The following SOX5 variants were observed in gnomAD, a reference collection of about 807,000 sequenced individuals.
SOX5 encodes SRY-box transcription factor 5.
Under a neutral mutation model 92.0 loss-of-function variants are expected in SOX5, and 9 were observed. The ratio of observed to expected loss-of-function variants is 0.10; its 90% confidence interval spans 0.06 to 0.17. The LOEUF (loss-of-function observed/expected upper bound fraction) is 0.17. Ranked by LOEUF, SOX5 falls within the 10% of genes least tolerant of loss-of-function variation. SOX5 has a pLI of 1.00. For missense variants in SOX5, 642 were observed against 944.5 expected (o/e 0.68, Z 4.20); for synonymous variants, 344 against 336.3 (o/e 1.02, Z -0.25).
At chr12:24,411,548 C>T (rs1323407160) in intron 1 of SOX5, among the ~76,000 whole-genome samples, 1 of 152,046 alleles carries the variant, frequency 6.6e-6, no homozygotes, top group Non-Finnish European at 1.5e-5. Flanking sequence ...GCACTTTTTG[C>T]AGGAATTTAT....
intron 3 of SOX5, among the ~76,000 whole-genome samples, chr12:23,803,895 T>C (rs551116150): frequency 1.8e-4 from 27 of 152,330 alleles, no homozygotes; most frequent in Admixed American, 5.2e-4. Flanking sequence ...TGACACAGCA[T>C]GAATAGAATC....
intron 3 of SOX5, among the ~76,000 whole-genome samples, chr12:23,792,662 A>AAAAAAAAAAC (rs2095497207): frequency 8.1e-6 from 1 of 123,880 alleles, no homozygotes; most frequent in Non-Finnish European, 1.7e-5. Flanking sequence ...AAAAAAAAAA[A>AAAAAAAAAAC]CTTGGACAAA....
chr12:23,723,179 G>C (rs1239913312), intron 6 of SOX5, among the ~76,000 whole-genome samples: 3 of 150,730 alleles, frequency 2.0e-5, no homozygotes, highest in African/African-American at 7.5e-5. Flanking sequence ...CTTTGGGCTT[G>C]TTTATGTTTT....
chr12:24,383,746 T>C (rs1269996811), intron 1 of SOX5, among the ~76,000 whole-genome samples: 1 of 152,122 alleles, frequency 6.6e-6, no homozygotes, highest in African/African-American at 2.4e-5. Flanking sequence ...AGAAGACAAT[T>C]TTTCCAAGGA....
At chr12:23,724,818 C>T (rs999383445) in intron 6 of SOX5, among the ~76,000 whole-genome samples, 1 of 152,166 alleles carries the variant, frequency 6.6e-6, no homozygotes, top group Non-Finnish European at 1.5e-5. Flanking sequence ...TGGTAGAACA[C>T]TCAGCACGTT....
intron 2 of SOX5, among the ~76,000 whole-genome samples, chr12:23,892,355 A>G (rs888843420): frequency 7.2e-5 from 11 of 152,184 alleles, no homozygotes; most frequent in Non-Finnish European, 1.6e-4. Context: ...ATGCTCATGA[A>G]CATGTGTGAA....
intron 4 of SOX5, among the ~76,000 whole-genome samples, chr12:23,962,764 G>A (rs370459693): frequency 6.6e-6 from 1 of 152,036 alleles, no homozygotes; most frequent in African/African-American, 2.4e-5. Flanking sequence ...TAGTATGAAC[G>A]ATTTGAGTCT....
chr12:24,339,072 C>T (rs1952254201), intron 2 of SOX5, among the ~76,000 whole-genome samples: 1 of 151,998 alleles, frequency 6.6e-6, no homozygotes, highest in South Asian at 2.1e-4. Flanking sequence ...CAGCTTCCCT[C>T]TTTTGGAGCT....
intron 1 of SOX5, among the ~76,000 whole-genome samples, chr12:23,906,441 A>G (rs2097294124): frequency 6.6e-6 from 1 of 152,222 alleles, no homozygotes; most frequent in Non-Finnish European, 1.5e-5. Context: ...TTGTGACTGC[A>G]CTAGACTTTT....
At chr12:23,569,473 G>C (rs1016809524) in intron 10 of SOX5, among the ~76,000 whole-genome samples, 1 of 152,134 alleles carries the variant, frequency 6.6e-6, no homozygotes, top group African/African-American at 2.4e-5. Context: ...GCTTTTACTG[G>C]AACTTTTGAA....
chr12:24,035,575 G>T (rs1343880706), intron 4 of SOX5, among the ~76,000 whole-genome samples: 1 of 151,946 alleles, frequency 6.6e-6, no homozygotes, highest in African/African-American at 2.4e-5. Context: ...AAAATGAAAT[G>T]ATATAACATC....
intron 4 of SOX5, among the ~76,000 whole-genome samples, chr12:24,083,554 CGTT>C (rs1943618581): frequency 1.3e-5 from 2 of 152,000 alleles, no homozygotes; most frequent in African/African-American, 4.8e-5. Context: ...ATAGGTATAA[CGTT>C]TTTTTCTCAG....
intron 4 of SOX5, among the ~76,000 whole-genome samples, chr12:24,146,983 G>GTAA (rs890790777): frequency 6.6e-6 from 1 of 152,040 alleles, no homozygotes; most frequent in African/African-American, 2.4e-5. Context: ...TGGGATGATA[G>GTAA]TAAAAAACCT....
chr12:23,871,258 G>A (rs1222430329), intron 2 of SOX5, among the ~76,000 whole-genome samples: 1 of 152,084 alleles, frequency 6.6e-6, no homozygotes, highest in Non-Finnish European at 1.5e-5. Flanking sequence ...ACCTATATGT[G>A]TAATTGCTAC....
At chr12:23,931,908 A>T (rs2059667500) in intron 1 of SOX5, among the ~76,000 whole-genome samples, 1 of 151,638 alleles carries the variant, frequency 6.6e-6, no homozygotes. Flanking sequence ...GGCTATCTTC[A>T]GAGTAGACAT....
At chr12:24,541,608 G>T (rs1356736940) in intron 1 of SOX5, among the ~76,000 whole-genome samples, 1 of 152,150 alleles carries the variant, frequency 6.6e-6, no homozygotes, top group Non-Finnish European at 1.5e-5. Context: ...TAGAAGTAAA[G>T]AAGGATGTTT....
At chr12:24,370,566 T>C (rs1404707333) in intron 1 of SOX5, among the ~76,000 whole-genome samples, 1 of 144,414 alleles carries the variant, frequency 6.9e-6, no homozygotes, top group Non-Finnish European at 1.5e-5. Flanking sequence ...CGAAAGCAGG[T>C]GGATTGCTTG....
At chr12:23,914,108 C>G (rs996236353) in intron 1 of SOX5, among the ~76,000 whole-genome samples, 3 of 152,148 alleles carry the variant, frequency 2.0e-5, no homozygotes, top group African/African-American at 7.2e-5. Context: ...TATCTGTTTC[C>G]TCTATCTCCA....
intron 2 of SOX5, among the ~76,000 whole-genome samples, chr12:24,350,416 C>T (rs1320516612): frequency 2.6e-5 from 4 of 152,150 alleles, no homozygotes; most frequent in African/African-American, 7.2e-5. Context: ...ACGATCACAG[C>T]TCACTGCAAC....
Sources: gnomAD v4.1 joint callset for allele counts (sites outside exome capture counted in the v4.1 genomes callset) on GRCh38, gnomAD v4.1.1 for gene constraint, MANE v1.5 for transcripts, NCBI Gene and HGNC (gene_info 2026-07-23, HGNC 2026-07-21) for gene names.